Variants in NPAS3 observed in about 807,000 individuals in gnomAD.
NPAS3 encodes neuronal PAS domain protein 3, also known as neuronal PAS domain-containing protein 3.
In NPAS3, 14 loss-of-function variants were observed where a neutral mutation model predicts 73.1. The ratio of observed to expected loss-of-function variants is 0.19; its 90% confidence interval spans 0.13 to 0.30. The LOEUF is 0.30. Ranked by LOEUF, NPAS3 falls within the 10% of genes least tolerant of loss-of-function variation. The pLI is 1.00. For synonymous variants in NPAS3, 620 were observed against 541.5 expected (o/e 1.14, Z -2.01); for missense variants, 1,096 against 1,250.0 (o/e 0.88, Z 1.86).
chr14:33,599,536 T>G (rs1567042614), intron 5 of NPAS3, among the ~76,000 whole-genome samples: 1 of 152,206 alleles, frequency 6.6e-6, no homozygotes, highest in African/African-American at 2.4e-5. Flanking sequence ...GACAGAGGTT[T>G]CAGGCAACAG....
At chr14:33,286,503 G>A (rs907576522) in intron 3 of NPAS3, among the ~76,000 whole-genome samples, 4 of 152,140 alleles carry the variant, frequency 2.6e-5, no homozygotes, top group African/African-American at 7.2e-5. Context: ...TCTATTGAAA[G>A]GACTCTTAGT....
chr14:33,276,886 G>A (rs549677073), intron 3 of NPAS3, among the ~76,000 whole-genome samples: 2 of 151,976 alleles, frequency 1.3e-5, no homozygotes, highest in Non-Finnish European at 2.9e-5. Flanking sequence ...GGGAATGATT[G>A]GTAGATTGTA....
chr14:33,038,356 G>C (rs1787550096), intron 1 of NPAS3, among the ~76,000 whole-genome samples: 1 of 152,010 alleles, frequency 6.6e-6, no homozygotes, highest in African/African-American at 2.4e-5. Context: ...ATAATGATTA[G>C]GTGGAGAAAT....
At chr14:33,141,614 A>T (rs955937621) in intron 2 of NPAS3, among the ~76,000 whole-genome samples, 40 of 152,214 alleles carry the variant, frequency 2.6e-4, no homozygotes, top group African/African-American at 9.7e-4. Context: ...TCATATCATT[A>T]AATATTTTAA....
intron 2 of NPAS3, among the ~76,000 whole-genome samples, chr14:33,204,283 C>A (rs2046738624): frequency 6.6e-6 from 1 of 152,138 alleles, no homozygotes; most frequent in African/African-American, 2.4e-5. Context: ...CACATAAAAA[C>A]ATTTAGGCTC....
chr14:33,008,204 G>A (rs1435688633), intron 1 of NPAS3, among the ~76,000 whole-genome samples: 1 of 152,076 alleles, frequency 6.6e-6, no homozygotes, highest in Non-Finnish European at 1.5e-5. Flanking sequence ...TGGAGAACTG[G>A]TTAAATAAAT....
At chr14:33,162,611 G>A (rs1191863610) in intron 2 of NPAS3, among the ~76,000 whole-genome samples, 1 of 152,036 alleles carries the variant, frequency 6.6e-6, no homozygotes, top group African/African-American at 2.4e-5. Flanking sequence ...TCCAATGACT[G>A]TAATTTCTTA....
intron 1 of NPAS3, among the ~76,000 whole-genome samples, chr14:32,946,348 G>GCGCGCA (rs1233572564): frequency 7.2e-6 from 1 of 139,314 alleles, no homozygotes. Context: ...ACACACACGC[G>GCGCGCA]CACACACACA....
intron 7 of NPAS3, among the ~76,000 whole-genome samples, chr14:33,770,823 C>T (rs1420613390): frequency 1.3e-5 from 2 of 152,168 alleles, no homozygotes; most frequent in Non-Finnish European, 2.9e-5. Context: ...CTGCTTGAAC[C>T]TGGGAGACGG....
intron 4 of NPAS3, among the ~76,000 whole-genome samples, chr14:33,548,458 C>T (rs2054950153): frequency 6.6e-6 from 1 of 152,200 alleles, no homozygotes; most frequent in Admixed American, 6.5e-5. Context: ...ATATGACCAA[C>T]TCCAGATTTC....
intron 6 of NPAS3, among the ~76,000 whole-genome samples, chr14:33,690,554 A>G (rs77149991): frequency 0.027 from 4,184 of 152,188 alleles, 86 homozygotes; most frequent in Non-Finnish European, 0.046. Context: ...GTATTTTATC[A>G]TACAGAGTAC....
intron 4 of NPAS3, among the ~76,000 whole-genome samples, chr14:33,451,225 C>G (rs1218149508): frequency 6.6e-6 from 1 of 152,168 alleles, no homozygotes; most frequent in East Asian, 1.9e-4. Context: ...ACAGCTGTGC[C>G]TCCTTATTTG....
intron 3 of NPAS3, among the ~76,000 whole-genome samples, chr14:33,256,832 A>G (rs1274277773): frequency 6.6e-6 from 1 of 152,232 alleles, no homozygotes; most frequent in Admixed American, 6.5e-5. Flanking sequence ...CTTTGAAAGA[A>G]TAAATGAAAT....
At chr14:33,456,329 G>A (rs2050022215) in intron 4 of NPAS3, among the ~76,000 whole-genome samples, 1 of 152,122 alleles carries the variant, frequency 6.6e-6, no homozygotes, top group Non-Finnish European at 1.5e-5. Context: ...GGATTTTCAT[G>A]GCGGCTATTT....
Position 33,405,888 on chromosome 14 carries a change from T to C in NPAS3, c.468+38620T>C, listed in dbSNP as rs907299926. 6.6e-5 allele frequency among the ~76,000 whole-genome samples: 10 copies of C among 152,160 alleles called. 1 individual carries two copies. Among genetic ancestry groups the C allele is most frequent in the Admixed American group, 6.6e-5 (1 of 15,256 alleles). ...TTTTTTCAGAGCTGTGTGTGTTAAT[T>C]CAATGTCTTAATTGAGTCTATTAGG... On this transcript the variant is annotated intron_variant, in intron 4 of 11. Coordinates refer to ENST00000356141, the Ensembl canonical transcript of NPAS3.
chr14:33,388,617 G>T (rs2046872737), intron 4 of NPAS3, among the ~76,000 whole-genome samples: 1 of 152,064 alleles, frequency 6.6e-6, no homozygotes, highest in Non-Finnish European at 1.5e-5. Flanking sequence ...GCTCGAGCTG[G>T]GCGTTCTAGT....
At chr14:33,512,165 G>A (rs529554401) in intron 4 of NPAS3, among the ~76,000 whole-genome samples, 2 of 152,134 alleles carry the variant, frequency 1.3e-5, no homozygotes, top group African/African-American at 4.8e-5. Flanking sequence ...ATGTTAATTT[G>A]CGTTTGTTCA....
At chr14:33,481,173 A>T (rs2051308651) in intron 4 of NPAS3, among the ~76,000 whole-genome samples, 1 of 152,174 alleles carries the variant, frequency 6.6e-6, no homozygotes, top group Non-Finnish European at 1.5e-5. Flanking sequence ...GACAAATTGG[A>T]TTTTGTCCAA....
intron 4 of NPAS3, among the ~76,000 whole-genome samples, chr14:33,426,195 C>A (rs917237655): frequency 6.6e-6 from 1 of 152,014 alleles, no homozygotes; most frequent in Non-Finnish European, 1.5e-5. Context: ...GCAAGAGATT[C>A]ATGAACTCAG....
Sources: gnomAD v4.1 joint callset for allele counts (sites outside exome capture counted in the v4.1 genomes callset) on GRCh38, gnomAD v4.1.1 for gene constraint, MANE v1.5 for transcripts, NCBI Gene and HGNC (gene_info 2026-07-23, HGNC 2026-07-21) for gene names.